Variants in CDH4 observed in about 807,000 individuals in gnomAD.
The protein encoded by CDH4 is cadherin 4, also known as cadherin-4.
A neutral mutation model predicts 86.0 loss-of-function variants in CDH4; 33 were observed. That is an observed-to-expected ratio of 0.38 (90% CI 0.29 to 0.51). The LOEUF (loss-of-function observed/expected upper bound fraction) is 0.51, where lower values mean the gene tolerates loss of function less well. Among genes scored for constraint, CDH4 ranks in the 20% least tolerant of loss-of-function variants. The pLI is 0.86. For synonymous variants in CDH4, 555 were observed against 549.4 expected (o/e 1.01, Z -0.14); for missense variants, 1,114 against 1,307.4 (o/e 0.85, Z 2.28).
At chr20:61,348,500 C>G (rs1460191359) in intron 2 of CDH4, among the ~76,000 whole-genome samples, 1 of 152,180 alleles carries the variant, frequency 6.6e-6, no homozygotes, top group Non-Finnish European at 1.5e-5. Context: ...TTCCCTCCAC[C>G]AAGACCTAGA....
At chr20:61,562,518 T>TG (rs1205554327) in intron 2 of CDH4, among the ~76,000 whole-genome samples, 1 of 152,146 alleles carries the variant, frequency 6.6e-6, no homozygotes, top group Non-Finnish European at 1.5e-5. Flanking sequence ...CCTGGGAAAC[T>TG]GGGGGGATTG....
chr20:61,790,981 C>T (rs1979163494), intron 4 of CDH4, among the ~76,000 whole-genome samples: 1 of 152,228 alleles, frequency 6.6e-6, no homozygotes, highest in Non-Finnish European at 1.5e-5. Context: ...GTGCTCTCAC[C>T]CTCAGACTAT....
chr20:61,470,402 C>A (rs1428342803), intron 2 of CDH4, among the ~76,000 whole-genome samples: 1 of 127,720 alleles, frequency 7.8e-6, no homozygotes, highest in African/African-American at 2.5e-5. Context: ...CCTGCAACTT[C>A]ACTGAATTTA....
intron 8 of CDH4, among the ~76,000 whole-genome samples, chr20:61,908,077 A>G (rs2054810087): frequency 6.6e-6 from 1 of 152,180 alleles, no homozygotes; most frequent in South Asian, 2.1e-4. Context: ...CCCAGCTTAG[A>G]GCCCCAGGTC....
chr20:61,466,414 T>G (rs1030684934), intron 2 of CDH4, among the ~76,000 whole-genome samples: 6 of 152,194 alleles, frequency 3.9e-5, no homozygotes, highest in Admixed American at 1.3e-4. Flanking sequence ...GCATAGCAGG[T>G]GCATCATATG....
chr20:61,719,822 C>T lies in CDH4; in HGVS notation c.170-23741C>T, dbSNP rs1027714233. 9.8e-5 allele frequency: 15 copies of T among 152,292 alleles called. 1 individual carries two copies. The highest frequency in any genetic ancestry group is 5.8e-4 in the East Asian group (3 of 5,188). 9.4% of individuals were successfully genotyped at this position (152,292 alleles called of 1,614,324 possible). A position where few individuals can be genotyped will look rare whatever the true frequency, so the allele number is the denominator to read the frequency against. ...GGATAATTCCTGGCAGTTTCTGTTTCGCTTGTAATTGTTTTTTAAATTAAG... is the reference window on the plus strand; with the variant it reads ...GGATAATTCCTGGCAGTTTCTGTTTTGCTTGTAATTGTTTTTTAAATTAAG... On this transcript the variant is annotated intron_variant, in intron 2 of 15. Coordinates refer to ENST00000614565, the MANE Select transcript of CDH4 (RefSeq NM_001794.5).
intron 1 of CDH4, among the ~76,000 whole-genome samples, chr20:61,253,377 G>A (rs939407189): frequency 6.6e-6 from 1 of 151,978 alleles, no homozygotes; most frequent in Non-Finnish European, 1.5e-5. Flanking sequence ...CGCGGCCCGC[G>A]GGGGCAGAGA....
intron 2 of CDH4, among the ~76,000 whole-genome samples, chr20:61,528,837 C>T (rs2085932003): frequency 1.4e-5 from 2 of 148,050 alleles, no homozygotes; most frequent in South Asian, 2.2e-4. Flanking sequence ...AAGGGGAACT[C>T]GTGATGATCT....
intron 2 of CDH4, among the ~76,000 whole-genome samples, chr20:61,548,982 T>A (rs1240379917): frequency 6.6e-6 from 1 of 151,934 alleles, no homozygotes; most frequent in Admixed American, 6.5e-5. Context: ...CCTTCGGGTC[T>A]CGGGGGGAGA....
intron 6 of CDH4, among the ~76,000 whole-genome samples, chr20:61,862,235 G>A (rs185213280): frequency 6.6e-6 from 1 of 152,270 alleles, no homozygotes; most frequent in East Asian, 1.9e-4. Context: ...CCACCACCGG[G>A]TTCCAGTTCT....
chr20:61,817,992 G>A (rs904219417), intron 4 of CDH4, among the ~76,000 whole-genome samples: 2 of 152,180 alleles, frequency 1.3e-5, no homozygotes, highest in African/African-American at 4.8e-5. Flanking sequence ...CACACCTGGG[G>A]CAGCTGCCCT....
At chr20:61,454,239 A>C (rs1295279401) in intron 2 of CDH4, among the ~76,000 whole-genome samples, 1 of 152,210 alleles carries the variant, frequency 6.6e-6, no homozygotes, top group Non-Finnish European at 1.5e-5. Context: ...AAGTGGAGAC[A>C]GTTCCTATCC....
intron 2 of CDH4, among the ~76,000 whole-genome samples, chr20:61,482,195 G>A (rs1160749834): frequency 1.3e-5 from 2 of 152,218 alleles, no homozygotes; most frequent in Non-Finnish European, 2.9e-5. Flanking sequence ...CGGTTCTGTA[G>A]GGCCCGGAAG....
At chr20:61,758,063 G>A (rs1351417864) in intron 3 of CDH4, among the ~76,000 whole-genome samples, 1 of 152,226 alleles carries the variant, frequency 6.6e-6, no homozygotes, top group Non-Finnish European at 1.5e-5. Context: ...CTTCTCTCGG[G>A]GCAGGCAGGC....
intron 2 of CDH4, among the ~76,000 whole-genome samples, chr20:61,460,655 G>A (rs1438115708): frequency 2.6e-5 from 4 of 152,204 alleles, no homozygotes; most frequent in Non-Finnish European, 5.9e-5. Flanking sequence ...ACCCATAGGA[G>A]GAAACATGTT....
intron 2 of CDH4, among the ~76,000 whole-genome samples, chr20:61,346,116 G>C (rs970667221): frequency 6.6e-6 from 1 of 152,200 alleles, no homozygotes; most frequent in Non-Finnish European, 1.5e-5. Context: ...TCATGGGCTG[G>C]AGGCTGAGGG....
At chr20:61,774,513 A>AT (rs200594403) in intron 4 of CDH4, among the ~76,000 whole-genome samples, 2 of 151,960 alleles carry the variant, frequency 1.3e-5, no homozygotes, top group African/African-American at 4.8e-5. Flanking sequence ...AAAGTGATTC[A>AT]TTTTTTTTCC....
chr20:61,607,164 C>A (rs1194450768), intron 2 of CDH4, among the ~76,000 whole-genome samples: 2 of 152,190 alleles, frequency 1.3e-5, no homozygotes, highest in Non-Finnish European at 2.9e-5. Flanking sequence ...GATGAAAAAA[C>A]AAACACACCC....
intron 2 of CDH4, among the ~76,000 whole-genome samples, chr20:61,353,870 A>G (rs1228619350): frequency 6.6e-6 from 1 of 151,274 alleles, no homozygotes; most frequent in Non-Finnish European, 1.5e-5. Flanking sequence ...TGGTTGGTTT[A>G]ATGAAATTTA....
Sources: gnomAD v4.1 joint callset for allele counts (sites outside exome capture counted in the v4.1 genomes callset) on GRCh38, gnomAD v4.1.1 for gene constraint, MANE v1.5 for transcripts, NCBI Gene and HGNC (gene_info 2026-07-23, HGNC 2026-07-21) for gene names.